The following KCNQ1 variants were observed in gnomAD, a reference collection of about 807,000 sequenced individuals.
KCNQ1 encodes the protein potassium voltage-gated channel subfamily KQT member 1.
KCNQ1 carries 49 observed loss-of-function variants against 72.4 expected under a neutral mutation model. That is an observed-to-expected ratio of 0.68 (90% CI 0.54 to 0.86). The LOEUF (loss-of-function observed/expected upper bound fraction) is 0.86, where lower values mean the gene tolerates loss of function less well. Ranked by LOEUF, KCNQ1 falls within the 40% of genes least tolerant of loss-of-function variation. The pLI, the probability that KCNQ1 is intolerant of heterozygous loss-of-function variation, is 0.00. For synonymous variants in KCNQ1, 450 were observed against 412.6 expected, an observed-to-expected ratio of 1.09 and a Z score of -1.10; for missense variants, 790 against 945.1, an observed-to-expected ratio of 0.84 and a Z score of 2.15.
Position 2,621,189 on chromosome 11 carries a change from G to A in KCNQ1, c.1393+32335G>A, listed in dbSNP as rs1477516588. ...GACGGGGTTTCACCATGTTGGCCAG[G>A]ATGGTCTCGAATACCTGACCCCAGA... On this transcript the variant is annotated intron_variant, in intron 10 of 15. Transcript: ENST00000155840. The surrounding 1 kb of genome is among the most constrained non-coding windows in gnomAD (Gnocchi z 5.7). The A allele has an allele frequency of 5.0e-6, 2 of 397,452 alleles. No individual in the cohort carries two copies. The highest frequency in any genetic ancestry group is 2.1e-5 in the African/African-American group (1 of 48,544). The allele number at this position is 397,452 out of a possible 1,614,324, so 24.6% of individuals were successfully genotyped here.
Position 2,662,060 on chromosome 11 carries a change from C to T in KCNQ1, c.1493C>T (p.Thr498Ile), listed in dbSNP as rs1849968254. Reference protein sequence around the residue: ...DLDLEGETLLTPITHISQLRE... With the variant: ...DLDLEGETLLIPITHISQLRE... ...GACCTGGAAGGGGAGACTCTGCTGA[C>T]ACCCATCACCCACATCTCACAGTGA... Residue 498 changes from threonine (T) to isoleucine (I), a missense_variant, in exon 11 of 16, where the codon ACA becomes ATA. Around this residue, in one of 5 missense-constraint regions of KCNQ1, gnomAD observed 178 missense variants for 177.9 expected, o/e 1.00. Coordinates refer to ENST00000155840, the MANE Select transcript of KCNQ1 (RefSeq NM_000218.3). The T allele has an allele frequency of 6.2e-7, 1 of 1,614,250 alleles. No individual in the cohort carries two copies. Among genetic ancestry groups the T allele is most frequent in the Non-Finnish European group, 8.5e-7 (1 of 1,180,050 alleles).
At position 2,559,599 on chromosome 11, in the gene KCNQ1, C is replaced by G. The variant is rs1349804995; in HGVS notation, c.478-11029C>G. The stretch of plus-strand genomic sequence containing the variant: ...TGGATGGGAACGGCCATCCCCATGA[C>G]GACCCAGCAAGTCCCTTGCCTCTCT... On this transcript the variant is annotated intron_variant, in intron 2 of 15. Transcript: ENST00000155840. The surrounding 1 kb of genome is among the most constrained non-coding windows in gnomAD (Gnocchi z 4.9). Among the ~76,000 whole-genome samples the G allele has an allele frequency of 6.6e-6, 1 of 152,176 alleles. No homozygotes were observed. The highest frequency in any genetic ancestry group is 1.5e-5 in the Non-Finnish European group (1 of 68,024).
intron 11 of KCNQ1, among the ~76,000 whole-genome samples, chr11:2,733,814 A>ACACACACACACACACACACACACTCT: frequency 2.8e-4 from 24 of 86,644 alleles, no homozygotes; most frequent in Non-Finnish European, 3.8e-4. Flanking sequence ...ACACACACAC[A>ACACACACACACACACACACACACTCT]CTCTCTCACT....
In KCNQ1 at chr11:2,471,325, C is replaced by T. The variant is rs1245480442; in HGVS notation, c.386+25841C>T. ...TACCCCAAATGCTGCTTGCTTCTCC[C>T]GCCCTCCTCCCTCTCCCCATCTGCT... is the stretch of plus-strand genomic sequence containing the variant. On this transcript the variant is annotated intron_variant, in intron 1 of 15. Coordinates refer to ENST00000155840, the MANE Select transcript of KCNQ1 (RefSeq NM_000218.3). The surrounding 1 kb of genome is among the most constrained non-coding windows in gnomAD (Gnocchi z 4.8). 2.0e-5 allele frequency among the ~76,000 whole-genome samples: 3 copies of T among 151,982 alleles called. No homozygotes were observed. Among genetic ancestry groups the T allele is most frequent in the Admixed American group, 6.5e-5 (1 of 15,268 alleles).
At chr11:2,470,493 G>C (rs754443766) in intron 1 of KCNQ1, among the ~76,000 whole-genome samples, 14 of 152,090 alleles carry the variant, frequency 9.2e-5, no homozygotes, top group Non-Finnish European at 2.1e-4. Flanking sequence ...ATCTCGTCTC[G>C]CCTTTGTTCT....
At chr11:2,573,699 A>C (rs1195511689) in intron 6 of KCNQ1, among the ~76,000 whole-genome samples, 1 of 151,986 alleles carries the variant, frequency 6.6e-6, no homozygotes, top group African/African-American at 2.4e-5. Context: ...GCCGGTGTGC[A>C]GCAGGCAGAT....
rs1032051060 is a variant in KCNQ1 at position 2,526,230 on chromosome 11, G to C, written c.387-1698G>C. On this transcript the variant is annotated intron_variant, in intron 1 of 15. Coordinates refer to ENST00000155840, the MANE Select transcript of KCNQ1 (RefSeq NM_000218.3). This position sits in a 1 kb window ranked among gnomAD's most constrained non-coding sequence, Gnocchi z 6.1. ...GGTTCACTGACTGGCTGGGTGTGTG[G>C]GCTGGGGGCGCCGAGGGTGGAGGTG... Among the ~76,000 whole-genome samples the C allele has an allele frequency of 2.2e-4, 33 of 152,168 alleles. No homozygotes were observed. The highest frequency in any genetic ancestry group is 1.0e-3 in the Admixed American group (16 of 15,282).
intron 11 of KCNQ1, chr11:2,667,727 A>T (rs1376879268): frequency 7.5e-6 from 3 of 398,724 alleles, no homozygotes; most frequent in Non-Finnish European, 8.8e-6. Flanking sequence ...GTGTCCCCTT[A>T]AGTGAGGGAG....
chr11:2,698,431 T>C lies in KCNQ1; in HGVS notation c.1514+36350T>C. The C allele has an allele frequency of 2.7e-6, 1 of 375,892 alleles. No homozygotes were observed. The allele number at this position is 375,892 out of a possible 1,614,324, so 23.3% of individuals were successfully genotyped here. A position where few individuals can be genotyped will look rare whatever the true frequency, so the allele number is the denominator to read the frequency against. Reference sequence around the variant, plus strand: ...CATAGTGGTGGCCCTTCAAGCCTACTACCCAGACTGAGACCTGCATCTGAT... The same window carrying C: ...CATAGTGGTGGCCCTTCAAGCCTACCACCCAGACTGAGACCTGCATCTGAT... On this transcript the variant is annotated intron_variant, in intron 11 of 15. Transcript: ENST00000155840. This position sits in a 1 kb window ranked among gnomAD's most constrained non-coding sequence, Gnocchi z 5.1.
Position 2,827,221 on chromosome 11 carries a change from T to C in KCNQ1, c.1795-20546T>C, listed in dbSNP as rs1171125878. Among the ~76,000 whole-genome samples, 2 of 152,150 alleles carry C rather than the reference T, an allele frequency of 1.3e-5. No homozygotes were observed. The highest frequency in any genetic ancestry group is 3.2e-3 in the Middle Eastern group (1 of 316). ...CTTGGTTCAGCTGCTGCTGAGACAGTGACCCTGGGGACAGCCCAAATAAGA... is the reference window on the plus strand; with the variant it reads ...CTTGGTTCAGCTGCTGCTGAGACAGCGACCCTGGGGACAGCCCAAATAAGA... On this transcript the variant is annotated intron_variant, in intron 15 of 15. Transcript: ENST00000155840. The surrounding 1 kb of genome is among the most constrained non-coding windows in gnomAD (Gnocchi z 6.7).
At chr11:2,689,306 A>G (rs1163373518) in intron 11 of KCNQ1, 4 of 398,540 alleles carry the variant, frequency 1.0e-5, no homozygotes, top group Non-Finnish European at 1.8e-5. Flanking sequence ...CCTAAGACTC[A>G]ATGCCACCTC....
At chr11:2,527,066 G>A (rs1221101057) in intron 1 of KCNQ1, among the ~76,000 whole-genome samples, 4 of 152,200 alleles carry the variant, frequency 2.6e-5, no homozygotes, top group Admixed American at 2.6e-4. Context: ...TGCAGTGGCA[G>A]CAGCTCCCTA....
chr11:2,672,373 A>C, intron 11 of KCNQ1: 1 of 398,450 alleles, frequency 2.5e-6, no homozygotes, highest in Non-Finnish European at 4.4e-6. Flanking sequence ...TCACAGGCTG[A>C]TATGATTGAG....
chr11:2,446,232 G>T lies in KCNQ1; in HGVS notation c.386+748G>T, dbSNP rs1284294637. Among the ~76,000 whole-genome samples the T allele has an allele frequency of 1.3e-5, 2 of 152,158 alleles. No individual in the cohort carries two copies. Among genetic ancestry groups the T allele is most frequent in the African/African-American group, 4.8e-5 (2 of 41,440 alleles). On this transcript the variant is annotated intron_variant, in intron 1 of 15. Coordinates refer to ENST00000155840, the MANE Select transcript of KCNQ1 (RefSeq NM_000218.3). This position sits in a 1 kb window ranked among gnomAD's most constrained non-coding sequence, Gnocchi z 8.8. ...AGGGCTGGGCACTGGATTTCTCAGG[G>T]ACAGGCCTGGGAAGTCACCTCCGGG...
intron 11 of KCNQ1, among the ~76,000 whole-genome samples, chr11:2,700,668 G>T (rs1372788624): frequency 6.6e-6 from 1 of 152,124 alleles, no homozygotes; most frequent in Non-Finnish European, 1.5e-5. Context: ...ACCTCAGGGG[G>T]TGAGTGGCAG....
At chr11:2,586,337 G>A (rs1016046681) in intron 8 of KCNQ1, among the ~76,000 whole-genome samples, 2 of 152,218 alleles carry the variant, frequency 1.3e-5, no homozygotes, top group Non-Finnish European at 2.9e-5. Context: ...CCATCGGGGG[G>A]GCTGTGTGCT....
At chr11:2,521,562 C>T (rs761055040) in intron 1 of KCNQ1, 9 of 470,584 alleles carry the variant, frequency 1.9e-5, no homozygotes, top group Admixed American at 2.4e-5. Flanking sequence ...GTTTCAGCTT[C>T]GACCCTGGGT....
chr11:2,483,983 A>C lies in KCNQ1; in HGVS notation c.386+38499A>C, dbSNP rs1846693537. Among the ~76,000 whole-genome samples, 1 of 152,174 alleles carries C rather than the reference A, an allele frequency of 6.6e-6. No individual in the cohort carries two copies. Among genetic ancestry groups the C allele is most frequent in the Non-Finnish European group, 1.5e-5 (1 of 68,032 alleles). On this transcript the variant is annotated intron_variant, in intron 1 of 15. Coordinates refer to ENST00000155840, the MANE Select transcript of KCNQ1 (RefSeq NM_000218.3). This position sits in a 1 kb window ranked among gnomAD's most constrained non-coding sequence, Gnocchi z 6.1. ...ACAGGCAAAGTCTGTGGTGCTTGCC[A>C]AATGGGGATTTGTTTATTTCCCACT... is the stretch of plus-strand genomic sequence containing the variant.
intron 12 of KCNQ1, among the ~76,000 whole-genome samples, chr11:2,774,793 T>C (rs1846661031): frequency 6.6e-6 from 1 of 151,950 alleles, no homozygotes; most frequent in African/African-American, 2.4e-5. Flanking sequence ...GTCTCAGGAG[T>C]AGGACCCCAA....
Sources: gnomAD v4.1 joint callset for allele counts (sites outside exome capture counted in the v4.1 genomes callset) on GRCh38, gnomAD v4.1.1 for gene constraint, gnomAD v4.1.1 regional missense constraint, Gnocchi (gnomAD v3.1) non-coding constraint, MANE v1.5 for transcripts, NCBI Gene and HGNC (gene_info 2026-07-23, HGNC 2026-07-21) for gene names.